GEMIN5: variants seen among roughly 807,000 people sequenced by gnomAD.
GEMIN5 encodes the protein gem nuclear organelle associated protein 5.
GEMIN5 carries 124 observed loss-of-function variants against 176.9 expected under a neutral mutation model. The ratio of observed to expected loss-of-function variants is 0.70; its 90% CI spans 0.61 to 0.81. GEMIN5 has a LOEUF of 0.81. GEMIN5 is among the 40% of genes least tolerant of loss of function. GEMIN5 has a pLI of 0.00. For synonymous variants in GEMIN5, 673 were observed against 665.2 expected (o/e 1.01, Z -0.18); for missense variants, 1,843 against 1,814.6 (o/e 1.02, Z -0.28).
rs1207370744 is a variant in GEMIN5 at position 154,921,360 on chromosome 5, A to T, written c.1445T>A (p.Val482Glu). ...TVYTLAWGPP[V>E]PPMSLGGEGD... ...ATACTTACCAAGTGACATGGGGGGT[A>T]CTGGTGGCCCCCAGGCTAAAGTATA... The change falls in exon 10 of 28, where the codon GTA becomes GAA. Residue 482 changes from valine to glutamate, a missense_variant. By Grantham distance (121) the Val-to-Glu change is moderately radical. Coordinates refer to ENST00000285873, the MANE Select transcript of GEMIN5 (RefSeq NM_015465.5). The T allele has an allele frequency of 2.8e-6, 4 of 1,405,502 alleles. No individual in the cohort carries two copies. Among genetic ancestry groups the T allele is most frequent in the Non-Finnish European group, 4.0e-6 (4 of 996,594 alleles). 87.1% of individuals were successfully genotyped at this position (1,405,502 alleles called of 1,614,324 possible).
rs1383079167 is a variant in GEMIN5, at chr5:154,921,396, T to C, written c.1409A>G (p.Lys470Arg). 7 of 1,482,756 alleles carry C rather than the reference T, an allele frequency of 4.7e-6. No individual in the cohort carries two copies. In the African/African-American group the frequency reaches 5.7e-5, roughly 12 times the overall value. The allele number at this position is 1,482,756 out of a possible 1,614,324, so 91.8% of individuals were successfully genotyped here. A position where few individuals can be genotyped will look rare whatever the true frequency, so the allele number is the denominator to read the frequency against. Residue 470 changes from lysine to arginine, a missense_variant, in exon 10 of 28, where the codon AAG (lysine) becomes AGG (arginine). By Grantham distance (26) the Lys-to-Arg change is conservative. Coordinates refer to ENST00000285873, the MANE Select transcript of GEMIN5 (RefSeq NM_015465.5). Reference protein sequence around the residue: ...KPPQISSTYHKKTVYTLAWGP... With the variant: ...KPPQISSTYHRKTVYTLAWGP... ...CCAGGCTAAAGTATATACAGTCTTC[T>C]TATGATATGTGCTAGAAATCTGTGG...
chr5:154,901,209 T>C, intron 21 of GEMIN5, 130 bp downstream of exon 21: 1 of 810,728 alleles, frequency 1.2e-6, no homozygotes. Context: ...ACCTCCTGAG[T>C]AGTCCCAGTT....
chr5:154,893,658 C>T lies in GEMIN5; in HGVS notation c.3598-1109G>A, dbSNP rs534576793. On this transcript the variant is annotated intron_variant, in intron 24 of 27. Coordinates refer to ENST00000285873, the MANE Select transcript of GEMIN5 (RefSeq NM_015465.5). ...GAACTGGTTGTCACTTTAATTTTTT[C>T]TTTTCTAGAATTCATATAAATGGAA... Among the ~76,000 whole-genome samples the T allele has an allele frequency of 2.2e-3, 337 of 152,316 alleles. 2 individuals are homozygous for T. Among genetic ancestry groups the T allele is most frequent in the African/African-American group, 8.0e-3 (331 of 41,590 alleles).
rs1345667372 is a variant in GEMIN5, at chr5:154,921,352, T to C, written c.1453A>G (p.Met485Val). The change falls in exon 10 of 28, where the codon ATG becomes GTG. Residue 485 changes from methionine (M) to valine (V), a missense_variant. Met to Val is a conservative substitution (Grantham distance 21). Transcript: ENST00000285873. The part of the protein sequence containing the change: ...TLAWGPPVPP[M>V]SLGGEGDRPS... ...TTGTTCAGATACTTACCAAGTGACA[T>C]GGGGGGTACTGGTGGCCCCCAGGCT... The C allele has an allele frequency of 3.0e-6, 4 of 1,322,312 alleles. No individual in the cohort carries two copies. Among genetic ancestry groups the C allele is most frequent in the East Asian group, 2.4e-5 (1 of 42,202 alleles). The allele number at this position is 1,322,312 out of a possible 1,614,324, so 81.9% of individuals were successfully genotyped here.
Position 154,925,856 on chromosome 5 carries a change from C to T in GEMIN5, c.1293+6G>A. The T allele has an allele frequency of 6.4e-7, 1 of 1,555,818 alleles. No homozygotes were observed. The highest frequency in any genetic ancestry group is 8.8e-7 in the Non-Finnish European group (1 of 1,130,652). On this transcript the variant is annotated splice_donor_region_variant and intron_variant, in intron 8 of 27. Coordinates refer to ENST00000285873, the MANE Select transcript of GEMIN5 (RefSeq NM_015465.5). ...TTCAAAACAAGCTCAAAAAAAGAAT[C>T]CTTACCGCTGTAACCTTGGACTTCA...
chr5:154,888,471 T>G, intron 27 of GEMIN5, 94 bp from the exon 28 acceptor site: 1 of 1,020,856 alleles, frequency 9.8e-7, no homozygotes, highest in East Asian at 2.5e-5. Flanking sequence ...GGTTCATCTA[T>G]AGACACTTCT....
Position 154,891,297 on chromosome 5 carries a change from A to C in GEMIN5, c.4206T>G (p.Asp1402Glu), listed in dbSNP as rs1763220234. 6.2e-7 allele frequency: 1 copy of C among 1,613,972 alleles called. No individual in the cohort carries two copies. Among genetic ancestry groups the C allele is most frequent in the East Asian group, 2.2e-5 (1 of 44,872 alleles). The change falls in exon 26 of 28, where the codon GAT (aspartate) becomes GAG (glutamate). Residue 1402 changes from aspartate to glutamate, a missense_variant. Asp to Glu is a conservative substitution (Grantham distance 45). Coordinates refer to ENST00000285873, the MANE Select transcript of GEMIN5 (RefSeq NM_015465.5). ...QLCKSTANGP[D>E]KNEPEVEAEQ... Reference sequence around the variant, plus strand: ...CTGCTTCTACTTCCGGTTCATTCTTATCAGGACCATTTGCTGTGGATTTAC... The same window carrying C: ...CTGCTTCTACTTCCGGTTCATTCTTCTCAGGACCATTTGCTGTGGATTTAC...
At position 154,887,993 on chromosome 5, in the gene GEMIN5, T is replaced by C; in HGVS notation, c.*217A>G. On this transcript the variant is annotated 3_prime_UTR_variant, in exon 28 of 28. Transcript: ENST00000285873. Reference sequence around the variant, plus strand: ...AATAACTACTGTGGGCTTTTCATGATCTTCCCTCCAGTAGGAGACCACAAT... The same window carrying C: ...AATAACTACTGTGGGCTTTTCATGACCTTCCCTCCAGTAGGAGACCACAAT... The C allele has an allele frequency of 1.9e-6, 1 of 530,874 alleles. No individual in the cohort carries two copies. The highest frequency in any genetic ancestry group is 3.3e-5 in the Admixed American group (1 of 30,226). The allele number at this position is 530,874 out of a possible 1,614,324, so 32.9% of individuals were successfully genotyped here.
intron 15 of GEMIN5, 139 bp downstream of exon 15, chr5:154,911,588 C>A: frequency 1.6e-6 from 1 of 642,048 alleles, no homozygotes; most frequent in East Asian, 2.7e-5. Context: ...GCCCTTGTGG[C>A]TGCTTTCTTG....
chr5:154,917,014 G>C lies in GEMIN5; in HGVS notation c.1839C>G (p.Asn613Lys). 1 of 1,587,668 alleles carries C rather than the reference G, an allele frequency of 6.3e-7. No homozygotes were observed. Among genetic ancestry groups the C allele is most frequent in the Middle Eastern group, 1.7e-4 (1 of 5,964 alleles). ...GSNNAVIYVH[N>K]LKTVIESSPE... is the part of the protein sequence containing the mutation. The stretch of plus-strand genomic sequence containing the variant: ...CAAAGTTACCTATGACAGTCTTCAG[G>C]TTGTGCACGTAAATGACTGCATTGT... Residue 613 changes from asparagine (N) to lysine (K), a missense_variant, in exon 13 of 28, where the codon AAC becomes AAG. Physicochemically the swap from Asn to Lys is moderately conservative, Grantham distance 94. Transcript: ENST00000285873.
At chr5:154,909,420 G>A (rs1398013855) in intron 15 of GEMIN5, among the ~76,000 whole-genome samples, 2 of 151,834 alleles carry the variant, frequency 1.3e-5, no homozygotes, top group African/African-American at 2.4e-5. Flanking sequence ...TTCCATTACT[G>A]TTACATTTAC....
At chr5:154,896,452 CA>C in intron 23 of GEMIN5, 109 bp from the exon 24 acceptor site, 1 of 1,141,384 alleles carries the variant, frequency 8.8e-7, no homozygotes, top group South Asian at 2.0e-5. Flanking sequence ...CTGCAGCAAC[CA>C]AAGCACATTA....
chr5:154,891,534 A>C lies in GEMIN5; in HGVS notation c.3969T>G (p.Thr1323=). The C allele has an allele frequency of 6.2e-7, 1 of 1,614,166 alleles. No homozygotes were observed. Among genetic ancestry groups the C allele is most frequent in the Non-Finnish European group, 8.5e-7 (1 of 1,180,012 alleles). ...GAGAAGTTTCAGGGTCCGTTTCTTCAGTGCTGGCAGTGTCTAACTGCTGGC... is the reference window on the plus strand; with the variant it reads ...GAGAAGTTTCAGGGTCCGTTTCTTCCGTGCTGGCAGTGTCTAACTGCTGGC... ...EPSQQLDTAS[T]EETDPETSQP... is the part of the protein sequence containing the mutation. The change falls in exon 26 of 28, where the codon ACT becomes ACG. Residue 1323 remains threonine (T), a synonymous_variant. Coordinates refer to ENST00000285873, the MANE Select transcript of GEMIN5 (RefSeq NM_015465.5).
In GEMIN5 at chr5:154,900,364, A is replaced by G. The variant is rs371235598; in HGVS notation, c.3014+975T>C. Among the ~76,000 whole-genome samples, 66 of 152,336 alleles carry G rather than the reference A, an allele frequency of 4.3e-4. No individual in the cohort carries two copies. In the South Asian group the frequency reaches 0.011, roughly 26 times the overall value. The stretch of plus-strand genomic sequence containing the variant: ...CTAGAGAGAGCAATATTTTGAAAGT[A>G]TTTTGGGACTTCTACTTCCAGCCAT... On this transcript the variant is annotated intron_variant, in intron 21 of 27. Coordinates refer to ENST00000285873, the MANE Select transcript of GEMIN5 (RefSeq NM_015465.5).
chr5:154,917,682 A>G (rs941959577), intron 12 of GEMIN5, among the ~76,000 whole-genome samples: 1 of 152,238 alleles, frequency 6.6e-6, no homozygotes, highest in African/African-American at 2.4e-5. Context: ...GGAGGTGACC[A>G]TTTTGTGAGG....
At chr5:154,911,117 A>G (rs189013386) in intron 15 of GEMIN5, among the ~76,000 whole-genome samples, 179 of 152,328 alleles carry the variant, frequency 1.2e-3, no homozygotes, top group African/African-American at 4.0e-3. Context: ...CCTTTCTGGC[A>G]TAAGAATGTT....
At chr5:154,898,827 G>A (rs1476999993) in intron 22 of GEMIN5, among the ~76,000 whole-genome samples, 177 bp from the exon 23 acceptor site, 1 of 152,142 alleles carries the variant, frequency 6.6e-6, no homozygotes, top group Non-Finnish European at 1.5e-5. Context: ...TCAGCAGAGT[G>A]TATGAGAAAC....
In GEMIN5 at chr5:154,905,854, C is replaced by A. The variant is rs565044151; in HGVS notation, c.2396-378G>T. Among the ~76,000 whole-genome samples the A allele has an allele frequency of 1.3e-4, 20 of 152,288 alleles. 1 individual carries two copies. The highest frequency in any genetic ancestry group is 4.8e-4 in the African/African-American group (20 of 41,562). On this transcript the variant is annotated intron_variant, in intron 16 of 27. Transcript: ENST00000285873. ...AGCTGGCACAAGCCACCATGCCTGG[C>A]TAATTTTTGTATTTTTAGTAGAGAC...
intron 16 of GEMIN5, 68 bp downstream of exon 16, chr5:154,907,522 TA>T: frequency 9.1e-7 from 1 of 1,098,592 alleles, no homozygotes; most frequent in Non-Finnish European, 1.4e-6. Flanking sequence ...TCAAACTGAG[TA>T]AGGACCTAGC....
Sources: gnomAD v4.1 joint callset for allele counts (sites outside exome capture counted in the v4.1 genomes callset) on GRCh38, gnomAD v4.1.1 for gene constraint, MANE v1.5 for transcripts, NCBI Gene and HGNC (gene_info 2026-07-23, HGNC 2026-07-21) for gene names.